DOCK9: variants seen among roughly 807,000 people sequenced by gnomAD.
DOCK9 encodes dedicator of cytokinesis protein 9.
In DOCK9, 89 loss-of-function variants were observed where a neutral mutation model predicts 263.3. The observed-to-expected ratio is 0.34, with a 90% CI of 0.28 to 0.40. The LOEUF (loss-of-function observed/expected upper bound fraction) is 0.40, where lower values mean the gene tolerates loss of function less well. Ranked by LOEUF, DOCK9 falls within the 10% of genes least tolerant of loss-of-function variation. DOCK9 has a pLI of 1.00. For missense variants in DOCK9, 2,140 were observed against 2,603.4 expected, an observed-to-expected ratio of 0.82 and a Z score of 3.87; for synonymous variants, 976 against 973.1, an observed-to-expected ratio of 1.00 and a Z score of -0.06.
chr13:99,071,306 C>CCTTTTTTTTTTTTTT lies in DOCK9; in HGVS notation c.129+14916_129+14917insAAAAAAAAAAAAAAG, dbSNP rs1286343497. Among the ~76,000 whole-genome samples the CCTTTTTTTTTTTTTT allele has an allele frequency of 1.2e-4, 6 of 49,330 alleles. No homozygotes were observed. The Admixed American group carries it at 1.4e-3, about 11-fold the overall frequency. 32.4% of individuals were successfully genotyped at this position (49,330 alleles called of 152,430 possible). ...TACAGGTGCTTGCCACCATGCCTGG[C>CCTTTTTTTTTTTTTT]TTTTTTTTTTTTTTTTTTTTTTTTT... On this transcript the variant is annotated intron_variant, in intron 1 of 32. Transcript: ENST00000427887.
At chr13:99,003,752 AC>A (rs547223962) in intron 1 of DOCK9, among the ~76,000 whole-genome samples, 2 of 151,404 alleles carry the variant, frequency 1.3e-5, no homozygotes, top group African/African-American at 4.9e-5. Context: ...ATCACCTGTG[AC>A]CCCCCAATGA....
chr13:99,007,184 T>C (rs751852306), intron 1 of DOCK9, among the ~76,000 whole-genome samples: 12 of 151,790 alleles, frequency 7.9e-5, no homozygotes, highest in Non-Finnish European at 1.0e-4. Flanking sequence ...GGTCAGGAGA[T>C]CAAGACCATC....
At position 99,085,874 on chromosome 13, in the gene DOCK9, G is replaced by T. The variant is rs549350126; in HGVS notation, c.129+349C>A. ...GATACGGGGGAGGGATGCGGGGGAG[G>T]GGGGAGAGTGTAATTTCCCAGTTGA... On this transcript the variant is annotated intron_variant, in intron 1 of 32. Transcript: ENST00000427887. Among the ~76,000 whole-genome samples the T allele has an allele frequency of 4.6e-5, 7 of 151,972 alleles. No homozygotes were observed. The East Asian group carries it at 1.4e-3, about 30-fold the overall frequency.
At chr13:99,025,658 T>A (rs1288781768) in intron 1 of DOCK9, among the ~76,000 whole-genome samples, 1 of 152,240 alleles carries the variant, frequency 6.6e-6, no homozygotes, top group Non-Finnish European at 1.5e-5. Flanking sequence ...CTTCAGATGG[T>A]TAAACCCAGG....
chr13:99,073,360 T>TTCTCTCTCTCC (rs753144871), intron 1 of DOCK9, among the ~76,000 whole-genome samples: 15 of 141,300 alleles, frequency 1.1e-4, no homozygotes, highest in Admixed American at 5.1e-4. Context: ...TCTTCTTCTT[T>TTCTCTCTCTCC]TCTCTCTCTC....
chr13:98,798,342 T>C (rs1403867522), intron 50 of DOCK9, among the ~76,000 whole-genome samples: 2 of 152,074 alleles, frequency 1.3e-5, no homozygotes, highest in South Asian at 2.1e-4. Context: ...TGTCTAGCAA[T>C]GGCAGGAAAA....
chr13:98,967,067 G>A (rs764061740), intron 1 of DOCK9, among the ~76,000 whole-genome samples: 17 of 152,144 alleles, frequency 1.1e-4, no homozygotes, highest in Non-Finnish European at 2.1e-4. Flanking sequence ...ATCTACTTTC[G>A]TGTATGTTTG....
intron 1 of DOCK9, among the ~76,000 whole-genome samples, chr13:99,050,061 G>A (rs997230097): frequency 6.6e-6 from 1 of 152,196 alleles, no homozygotes; most frequent in East Asian, 1.9e-4. Context: ...CAAAGTTTAT[G>A]GAGGATATTT....
At chr13:99,006,352 T>G (rs1414283551) in intron 1 of DOCK9, among the ~76,000 whole-genome samples, 1 of 152,262 alleles carries the variant, frequency 6.6e-6, no homozygotes, top group Admixed American at 6.5e-5. Flanking sequence ...AAGTTCACTT[T>G]TATAAATCTA....
At chr13:99,063,821 C>CT (rs35527070) in intron 1 of DOCK9, among the ~76,000 whole-genome samples, 40,173 of 148,744 alleles carry the variant, frequency 0.27, 5,617 homozygotes, top group East Asian at 0.43. Context: ...GAATTCTCAA[C>CT]TTTTTTTTTT....
chr13:98,984,090 A>G (rs1877884863), intron 1 of DOCK9, among the ~76,000 whole-genome samples: 2 of 152,242 alleles, frequency 1.3e-5, no homozygotes, highest in African/African-American at 4.8e-5. Context: ...AGTTTCCTAA[A>G]GAAAGGCCAA....
At chr13:98,847,770 T>C (rs151080366) in intron 37 of DOCK9, 2 of 152,266 alleles carry the variant, frequency 1.3e-5, no homozygotes, top group East Asian at 3.9e-4. Flanking sequence ...ATAAAGCTGT[T>C]AAAAACAACA....
At chr13:98,827,943 T>C (rs2092610160) in intron 43 of DOCK9, among the ~76,000 whole-genome samples, 1 of 152,160 alleles carries the variant, frequency 6.6e-6, no homozygotes, top group South Asian at 2.1e-4. Flanking sequence ...CAGAATGTGA[T>C]ATTATTTGGA....
chr13:98,935,028 T>C (rs1203703235), intron 2 of DOCK9, among the ~76,000 whole-genome samples: 1 of 152,008 alleles, frequency 6.6e-6, no homozygotes, highest in African/African-American at 2.4e-5. Flanking sequence ...CAGAAGAGTA[T>C]AGAGAAAAGA....
intron 1 of DOCK9, chr13:99,025,183 T>C (rs1886570331): frequency 1.3e-5 from 2 of 152,194 alleles, no homozygotes; most frequent in Non-Finnish European, 2.9e-5. Flanking sequence ...ACATAAGAAC[T>C]GGACAGATTA....
chr13:98,894,582 T>G (rs1198854862), intron 15 of DOCK9, among the ~76,000 whole-genome samples: 1 of 152,058 alleles, frequency 6.6e-6, no homozygotes, highest in Admixed American at 6.6e-5. Context: ...TTATTAAGAG[T>G]TGCATGGTAG....
intron 26 of DOCK9, among the ~76,000 whole-genome samples, chr13:98,880,325 C>A (rs1288777373): frequency 2.6e-5 from 4 of 151,978 alleles, no homozygotes; most frequent in Non-Finnish European, 5.9e-5. Context: ...CTGATTTGAA[C>A]ATAATGACTA....
intron 1 of DOCK9, among the ~76,000 whole-genome samples, chr13:99,036,011 C>T (rs556019576): frequency 7.9e-5 from 12 of 152,168 alleles, no homozygotes; most frequent in Non-Finnish European, 1.3e-4. Flanking sequence ...CTCTGGGTCT[C>T]CAGCTTGTCA....
chr13:98,823,301 A>G (rs2092377818), intron 45 of DOCK9, among the ~76,000 whole-genome samples: 1 of 152,198 alleles, frequency 6.6e-6, no homozygotes, highest in Admixed American at 6.5e-5. Flanking sequence ...TTCAGTAGCA[A>G]GAGTACCGCC....
Sources: gnomAD v4.1 joint callset for allele counts (sites outside exome capture counted in the v4.1 genomes callset) on GRCh38, gnomAD v4.1.1 for gene constraint, MANE v1.5 for transcripts, NCBI Gene and HGNC (gene_info 2026-07-23, HGNC 2026-07-21) for gene names.